DCDC2: variants seen among roughly 807,000 people sequenced by gnomAD.
The protein encoded by DCDC2 is doublecortin domain-containing protein 2.
Under a neutral mutation model 50.2 loss-of-function variants are expected in DCDC2, and 40 were observed. The ratio of observed to expected loss-of-function variants is 0.80; its 90% CI spans 0.62 to 1.04. The LOEUF (loss-of-function observed/expected upper bound fraction) is 1.04, where lower values mean the gene tolerates loss of function less well. DCDC2 is among the 50% of genes least tolerant of loss of function. DCDC2 has a pLI of 0.00. For missense variants in DCDC2, 570 were observed against 581.9 expected (o/e 0.98, Z 0.21); for synonymous variants, 234 against 210.6 (o/e 1.11, Z -0.96).
At chr6:24,241,944 G>T (rs575172784) in intron 7 of DCDC2, among the ~76,000 whole-genome samples, 5 of 152,340 alleles carry the variant, frequency 3.3e-5, no homozygotes, top group Admixed American at 6.5e-5. Flanking sequence ...GGCTGAGGTG[G>T]AAGGATCACT....
chr6:24,264,592 C>T (rs763006202), intron 7 of DCDC2, among the ~76,000 whole-genome samples: 1 of 151,124 alleles, frequency 6.6e-6, no homozygotes, highest in Non-Finnish European at 1.5e-5. Flanking sequence ...ATTTGCAAGC[C>T]TCATGGTAAC....
At chr6:24,235,382 G>A (rs1212251220) in intron 7 of DCDC2, among the ~76,000 whole-genome samples, 2 of 152,186 alleles carry the variant, frequency 1.3e-5, no homozygotes, top group Non-Finnish European at 2.9e-5. Context: ...GGGTTCCATA[G>A]ATGTAAAAGT....
chr6:24,369,436 C>CCGTCTTTA, the DCDC2 span, among the ~76,000 whole-genome samples: 1 of 151,898 alleles, frequency 6.6e-6, no homozygotes, highest in African/African-American at 2.4e-5. Context: ...TGGTGATACC[C>CCGTCTTTA]CGTCTTTACT....
At chr6:24,182,579 A>G (rs1172741676) in intron 8 of DCDC2, among the ~76,000 whole-genome samples, 2 of 150,480 alleles carry the variant, frequency 1.3e-5, no homozygotes, top group Admixed American at 6.6e-5. Flanking sequence ...TTAGGGAAAT[A>G]CAAATTAAAA....
At chr6:24,193,495 A>G (rs1761354139) in intron 8 of DCDC2, among the ~76,000 whole-genome samples, 1 of 152,184 alleles carries the variant, frequency 6.6e-6, no homozygotes, top group Non-Finnish European at 1.5e-5. Flanking sequence ...TATCAAGAGG[A>G]CAGTAAGTTC....
intron 7 of DCDC2, among the ~76,000 whole-genome samples, chr6:24,244,880 T>C (rs534904384): frequency 1.3e-5 from 2 of 152,250 alleles, no homozygotes; most frequent in East Asian, 1.9e-4. Context: ...TACCCAGAAA[T>C]GCAAACAAAA....
intron 7 of DCDC2, among the ~76,000 whole-genome samples, chr6:24,261,602 C>A (rs1763011068): frequency 6.6e-6 from 1 of 152,080 alleles, no homozygotes; most frequent in African/African-American, 2.4e-5. Flanking sequence ...CTGAGAGGGT[C>A]CCAGCAGGAC....
intron 2 of DCDC2, among the ~76,000 whole-genome samples, chr6:24,307,061 C>T (rs1426702501): frequency 1.3e-5 from 2 of 152,186 alleles, no homozygotes; most frequent in Non-Finnish European, 2.9e-5. Flanking sequence ...CAACACTTCA[C>T]ACTTCAATTT....
chr6:24,200,853 G>A (rs1394409429), intron 8 of DCDC2, among the ~76,000 whole-genome samples: 1 of 151,954 alleles, frequency 6.6e-6, no homozygotes, highest in African/African-American at 2.4e-5. Flanking sequence ...ACCAGGGGTT[G>A]CAATCCTAGT....
rs1020264242 is a variant in DCDC2 at position 24,315,495 on chromosome 6, T to C, written c.349-13451A>G. 5.9e-5 allele frequency among the ~76,000 whole-genome samples: 9 copies of C among 152,178 alleles called. 1 individual carries two copies. The highest frequency in any genetic ancestry group is 2.6e-4 in the Admixed American group (4 of 15,268). The stretch of plus-strand genomic sequence containing the variant: ...CTATCCACAGAGAGGGCTCATTCAT[T>C]CAATGACATCTATCAGTCATCTACT... On this transcript the variant is annotated intron_variant, in intron 2 of 9. Transcript: ENST00000378454.
intron 2 of DCDC2, among the ~76,000 whole-genome samples, chr6:24,320,311 T>G (rs1249500358): frequency 6.6e-6 from 1 of 152,020 alleles, no homozygotes; most frequent in African/African-American, 2.4e-5. Context: ...CTCAATTTTT[T>G]GGTTTTTGTT....
chr6:24,257,729 T>C (rs1581615650), intron 7 of DCDC2, among the ~76,000 whole-genome samples: 1 of 151,004 alleles, frequency 6.6e-6, no homozygotes, highest in Non-Finnish European at 1.5e-5. Context: ...AGTGACAAGC[T>C]TCTAAAGAAA....
At chr6:24,193,024 T>G (rs1409764994) in intron 8 of DCDC2, among the ~76,000 whole-genome samples, 1 of 151,834 alleles carries the variant, frequency 6.6e-6, no homozygotes, top group Non-Finnish European at 1.5e-5. Context: ...AGGGTTACAT[T>G]TAAAGAAACA....
intron 7 of DCDC2, among the ~76,000 whole-genome samples, chr6:24,238,940 GGA>G (rs1189169924): frequency 6.6e-6 from 1 of 152,166 alleles, no homozygotes; most frequent in Admixed American, 6.5e-5. Flanking sequence ...GCCTACTATA[GGA>G]GAGAGTATTA....
upstream of DCDC2, among the ~76,000 whole-genome samples, chr6:24,362,506 TTA>T (rs58223679): frequency 5.5e-3 from 379 of 68,574 alleles, 19 homozygotes; most frequent in African/African-American, 0.02. Context: ...ATTTATACAA[TTA>T]TTTTTTATTT....
At chr6:24,286,817 G>A (rs566954288) in intron 6 of DCDC2, among the ~76,000 whole-genome samples, 1 of 152,250 alleles carries the variant, frequency 6.6e-6, no homozygotes, top group Admixed American at 6.5e-5. Flanking sequence ...AAAAACCTCA[G>A]TTATCTTTGG....
intron 8 of DCDC2, among the ~76,000 whole-genome samples, chr6:24,202,395 C>CA (rs1289025782): frequency 5.3e-5 from 8 of 152,076 alleles, no homozygotes; most frequent in Admixed American, 1.3e-4. Context: ...ATGATTATCT[C>CA]AATAGATGCA....
intron 7 of DCDC2, among the ~76,000 whole-genome samples, chr6:24,225,917 A>T (rs1403987464): frequency 3.3e-5 from 5 of 152,242 alleles, no homozygotes; most frequent in Non-Finnish European, 7.3e-5. Context: ...AATCTAATAC[A>T]GCAATTATTC....
At chr6:24,260,378 C>CCT (rs1762983479) in intron 7 of DCDC2, among the ~76,000 whole-genome samples, 1 of 152,158 alleles carries the variant, frequency 6.6e-6, no homozygotes, top group Non-Finnish European at 1.5e-5. Flanking sequence ...ATAGATACTG[C>CCT]CTCTTTTGGC....
Sources: gnomAD v4.1 joint callset for allele counts (sites outside exome capture counted in the v4.1 genomes callset) on GRCh38, gnomAD v4.1.1 for gene constraint, MANE v1.5 for transcripts, NCBI Gene and HGNC (gene_info 2026-07-23, HGNC 2026-07-21) for gene names.